Variants in FAM149B1 observed in about 807,000 individuals in gnomAD.
FAM149B1 encodes the protein family with sequence similarity 149 member B1.
Under a neutral mutation model 75.3 loss-of-function variants are expected in FAM149B1, and 56 were observed. The observed-to-expected ratio is 0.74, with a 90% confidence interval of 0.60 to 0.93. FAM149B1 has a LOEUF of 0.93. Ranked by LOEUF, FAM149B1 falls within the 40% of genes least tolerant of loss-of-function variation. The pLI is 0.00. For synonymous variants in FAM149B1, 259 were observed against 256.1 expected, an observed-to-expected ratio of 1.01 and a Z score of -0.11; for missense variants, 639 against 708.4, an observed-to-expected ratio of 0.90 and a Z score of 1.11.
At chr10:73,220,225 T>G (rs2043379620) in intron 7 of FAM149B1, among the ~76,000 whole-genome samples, 1 of 152,072 alleles carries the variant, frequency 6.6e-6, no homozygotes, top group South Asian at 2.1e-4. Flanking sequence ...GATGGCTATG[T>G]GTATATATAT....
intron 5 of FAM149B1, among the ~76,000 whole-genome samples, chr10:73,196,356 C>T (rs1431763683): frequency 6.6e-6 from 1 of 151,354 alleles, no homozygotes; most frequent in African/African-American, 2.4e-5. Flanking sequence ...GGGTCTTGCT[C>T]TGTCACCCAG....
intron 3 of FAM149B1, among the ~76,000 whole-genome samples, chr10:73,182,623 T>G (rs527710542): frequency 6.6e-6 from 1 of 152,314 alleles, no homozygotes; most frequent in South Asian, 2.1e-4. Flanking sequence ...GCGAGGAAGT[T>G]CAGACCACAT....
At chr10:73,206,476 T>C (rs988161952) in intron 5 of FAM149B1, among the ~76,000 whole-genome samples, 1 of 152,168 alleles carries the variant, frequency 6.6e-6, no homozygotes, top group Admixed American at 6.5e-5. Context: ...GATAGAGATA[T>C]TTGCATAACT....
intron 12 of FAM149B1, among the ~76,000 whole-genome samples, chr10:73,238,563 G>A (rs934878050): frequency 3.9e-5 from 6 of 152,354 alleles, no homozygotes; most frequent in South Asian, 2.1e-4. Context: ...CCATAACAGC[G>A]AAGCTGAGTA....
intron 5 of FAM149B1, among the ~76,000 whole-genome samples, chr10:73,197,727 G>A (rs373896602): frequency 1.1e-4 from 17 of 151,962 alleles, no homozygotes; most frequent in African/African-American, 4.1e-4. Context: ...CTGAGATCAC[G>A]TCACTGCACT....
chr10:73,174,555 A>G (rs1843857372), intron 1 of FAM149B1, 132 bp from the exon 2 acceptor site: 1 of 579,428 alleles, frequency 1.7e-6, no homozygotes, highest in Non-Finnish European at 3.0e-6. Flanking sequence ...CCAGATTTTA[A>G]TCACTGGTGG....
At chr10:73,174,638 G>A in intron 1 of FAM149B1, 49 bp from the exon 2 acceptor site, 1 of 1,298,792 alleles carries the variant, frequency 7.7e-7, no homozygotes, top group South Asian at 1.3e-5. Flanking sequence ...TTATTGAATT[G>A]TATGTATTTT....
At chr10:73,177,347 G>A (rs1365485699) in intron 2 of FAM149B1, among the ~76,000 whole-genome samples, 3 of 152,006 alleles carry the variant, frequency 2.0e-5, no homozygotes, top group Non-Finnish European at 2.9e-5. Flanking sequence ...GGCTGAGGTG[G>A]GCAGATTGCC....
At position 73,233,380 on chromosome 10, in the gene FAM149B1, G is replaced by A. The variant is rs756322069; in HGVS notation, c.1352+217G>A. ...TTTTAGATACAGTCTCACTCCTGTC[G>A]CCCAGGCTGGAGTGCAGTGGATGAT... On this transcript the variant is annotated intron_variant, in intron 10 of 13. Transcript: ENST00000242505. 5.4e-4 allele frequency among the ~76,000 whole-genome samples: 82 copies of A among 151,898 alleles called. 1 individual carries two copies. The highest frequency in any genetic ancestry group is 1.3e-4 in the Non-Finnish European group (9 of 68,006).
chr10:73,232,174 T>A (rs887252779), intron 9 of FAM149B1, among the ~76,000 whole-genome samples: 2 of 152,180 alleles, frequency 1.3e-5, no homozygotes, highest in Non-Finnish European at 2.9e-5. Context: ...GCGGATACTC[T>A]TAGATGTCTT....
chr10:73,210,415 G>C lies in FAM149B1; in HGVS notation c.875G>C (p.Ser292Thr). Residue 292 changes from serine (S) to threonine (T), a missense_variant, in exon 7 of 14, where the codon AGT becomes ACT. Transcript: ENST00000242505. ...AGCTGTATGGAGCAGTTGACACGTA[G>C]TCACTGGGAAGGATTTGCCTCTGGT... ...VVSCMEQLTR[S>T]HWEGFASDDE... The C allele has an allele frequency of 6.5e-7, 1 of 1,542,116 alleles. No individual in the cohort carries two copies. The highest frequency in any genetic ancestry group is 1.2e-5 in the South Asian group (1 of 81,502).
At chr10:73,195,426 TA>T (rs1168906010) in intron 5 of FAM149B1, among the ~76,000 whole-genome samples, 1 of 152,230 alleles carries the variant, frequency 6.6e-6, no homozygotes, top group East Asian at 1.9e-4. Flanking sequence ...TTTTATATAA[TA>T]TAAAAAATTT....
At chr10:73,202,023 G>GGCGT (rs2133353500) in intron 5 of FAM149B1, among the ~76,000 whole-genome samples, 2 of 152,220 alleles carry the variant, frequency 1.3e-5, no homozygotes, top group South Asian at 4.1e-4. Flanking sequence ...AAATTAGCCA[G>GGCGT]GCGTGGTGGC....
At chr10:73,215,229 G>A (rs192051801) in intron 7 of FAM149B1, among the ~76,000 whole-genome samples, 22 of 152,064 alleles carry the variant, frequency 1.4e-4, no homozygotes, top group Admixed American at 1.0e-3. Context: ...TCATGTTGGC[G>A]AGGCTGGTCT....
At chr10:73,186,645 A>C (rs1284979413) in intron 3 of FAM149B1, among the ~76,000 whole-genome samples, 1 of 152,258 alleles carries the variant, frequency 6.6e-6, no homozygotes, top group Admixed American at 6.5e-5. Context: ...AGGTCACAGT[A>C]TACAAGAACA....
intron 7 of FAM149B1, among the ~76,000 whole-genome samples, chr10:73,210,874 GT>G (rs943704695): frequency 1.3e-5 from 2 of 152,010 alleles, no homozygotes; most frequent in African/African-American, 4.8e-5. Flanking sequence ...AAACCCAAAT[GT>G]TTTTCCCTAA....
chr10:73,193,375 G>A, intron 4 of FAM149B1, 102 bp from the exon 5 acceptor site: 1 of 1,129,326 alleles, frequency 8.9e-7, no homozygotes, highest in Non-Finnish European at 1.2e-6. Context: ...ACTGTATACT[G>A]GACTTTTATG....
At chr10:73,176,932 C>T (rs1052419364) in intron 2 of FAM149B1, among the ~76,000 whole-genome samples, 26 of 152,038 alleles carry the variant, frequency 1.7e-4, no homozygotes, top group African/African-American at 6.0e-4. Context: ...GAGGCTGAGG[C>T]AGGAGAATCA....
At chr10:73,214,073 T>G (rs549481540) in intron 7 of FAM149B1, among the ~76,000 whole-genome samples, 1 of 152,344 alleles carries the variant, frequency 6.6e-6, no homozygotes, top group Non-Finnish European at 1.5e-5. Flanking sequence ...TTTACTTTCT[T>G]ATAGCTATTG....
Sources: gnomAD v4.1 joint callset for allele counts (sites outside exome capture counted in the v4.1 genomes callset) on GRCh38, gnomAD v4.1.1 for gene constraint, MANE v1.5 for transcripts, NCBI Gene and HGNC (gene_info 2026-07-23, HGNC 2026-07-21) for gene names.